Variants in GPC5 observed in about 807,000 individuals in gnomAD.
GPC5 encodes the protein glypican-5.
In GPC5, 47 loss-of-function variants were observed where a neutral mutation model predicts 53.9. That is an observed-to-expected ratio of 0.87 (90% CI 0.69 to 1.11). GPC5 has a LOEUF of 1.11. Ranked by LOEUF, GPC5 falls within the 50% of genes most tolerant of loss-of-function variation. The pLI is 0.00. For missense variants in GPC5, 748 were observed against 713.1 expected, an observed-to-expected ratio of 1.05 and a Z score of -0.56; for synonymous variants, 286 against 263.3, an observed-to-expected ratio of 1.09 and a Z score of -0.84.
intron 7 of GPC5, among the ~76,000 whole-genome samples, chr13:92,731,857 A>G (rs569898977): frequency 2.0e-4 from 30 of 151,536 alleles, no homozygotes; most frequent in Non-Finnish European, 3.5e-4. Flanking sequence ...AGTTGGAATC[A>G]TAGCATTCAT....
chr13:91,786,198 T>C (rs2037876091), intron 5 of GPC5, among the ~76,000 whole-genome samples: 1 of 152,078 alleles, frequency 6.6e-6, no homozygotes, highest in Admixed American at 6.6e-5. Context: ...GGTTTCACCA[T>C]GTTGGTCACG....
intron 5 of GPC5, among the ~76,000 whole-genome samples, chr13:91,782,937 T>A (rs1267134177): frequency 6.6e-6 from 1 of 152,062 alleles, no homozygotes; most frequent in Non-Finnish European, 1.5e-5. Context: ...GTTTTTCTCA[T>A]TAAGAAAAAT....
rs562558838 is a variant in GPC5, at chr13:92,546,222, A to T, written c.1562-320060A>T. ...ATTCAATTTGGAAAAGAGGAAGTCA[A>T]ATTGTCCGCATTTGCAGATGACATG... On this transcript the variant is annotated intron_variant, in intron 7 of 7. Transcript: ENST00000377067. 1.9e-4 allele frequency among the ~76,000 whole-genome samples: 29 copies of T among 152,306 alleles called. No individual in the cohort carries two copies. In the South Asian group the frequency reaches 5.4e-3, roughly 28 times the overall value.
chr13:91,663,729 G>A (rs1039981142), intron 2 of GPC5, among the ~76,000 whole-genome samples: 7 of 151,998 alleles, frequency 4.6e-5, no homozygotes, highest in Non-Finnish European at 1.0e-4. Flanking sequence ...CTCCTGAGTT[G>A]TTGGGATTAC....
chr13:92,667,821 T>G (rs182151225), intron 7 of GPC5, among the ~76,000 whole-genome samples: 4 of 152,324 alleles, frequency 2.6e-5, no homozygotes, highest in Admixed American at 2.0e-4. Flanking sequence ...CAATGACTAT[T>G]CAGCAACTTT....
intron 5 of GPC5, among the ~76,000 whole-genome samples, chr13:91,869,155 G>T (rs946317934): frequency 3.9e-5 from 6 of 152,042 alleles, no homozygotes; most frequent in Non-Finnish European, 7.4e-5. Flanking sequence ...TGCCCCCTGG[G>T]TTCAAGTGAT....
At chr13:92,725,895 T>C (rs1224753788) in intron 7 of GPC5, among the ~76,000 whole-genome samples, 5 of 151,688 alleles carry the variant, frequency 3.3e-5, no homozygotes, top group African/African-American at 1.2e-4. Flanking sequence ...AATACTGGTA[T>C]ATTAATGATG....
chr13:92,579,776 C>G (rs1489674128), intron 7 of GPC5, among the ~76,000 whole-genome samples: 1 of 152,096 alleles, frequency 6.6e-6, no homozygotes, highest in Non-Finnish European at 1.5e-5. Context: ...TTGAATTCTG[C>G]CTACATAGCA....
chr13:91,841,286 C>T (rs2038784981), intron 5 of GPC5, among the ~76,000 whole-genome samples: 1 of 150,510 alleles, frequency 6.6e-6, no homozygotes, highest in Admixed American at 6.7e-5. Context: ...TGAATCATGT[C>T]ATAAATTGAA....
rs187072050 is a variant in GPC5 at position 92,221,530 on chromosome 13, C to T, written c.1561+76541C>T. ...ATCCTATGTTTTCCCAACACCCTCT[C>T]CCACATGGGCCACTTCCTCTCCCTA... On this transcript the variant is annotated intron_variant, in intron 7 of 7. Transcript: ENST00000377067. 2.0e-5 allele frequency among the ~76,000 whole-genome samples: 3 copies of T among 152,242 alleles called. No homozygotes were observed. The East Asian group carries it at 5.8e-4, about 29-fold the overall frequency.
chr13:92,285,189 T>G (rs993950289), intron 7 of GPC5, among the ~76,000 whole-genome samples: 8 of 152,052 alleles, frequency 5.3e-5, no homozygotes, highest in Non-Finnish European at 1.2e-4. Context: ...ACAAGGGACG[T>G]GAAGGACCTA....
At chr13:91,749,232 A>G (rs2037117875) in intron 4 of GPC5, among the ~76,000 whole-genome samples, 1 of 152,092 alleles carries the variant, frequency 6.6e-6, no homozygotes, top group Non-Finnish European at 1.5e-5. Context: ...CTCTAAGTCC[A>G]TGAGTACCCA....
At chr13:91,676,445 A>C (rs1167908203) in intron 2 of GPC5, among the ~76,000 whole-genome samples, 4 of 152,146 alleles carry the variant, frequency 2.6e-5, no homozygotes, top group African/African-American at 9.7e-5. Flanking sequence ...TCATGGATAT[A>C]GGTGTACTCA....
At chr13:91,759,685 T>C (rs1275923019) in intron 5 of GPC5, among the ~76,000 whole-genome samples, 2 of 151,444 alleles carry the variant, frequency 1.3e-5, no homozygotes, top group Non-Finnish European at 2.9e-5. Flanking sequence ...TTCCATCCCC[T>C]TGATGTAAAT....
chr13:91,663,275 A>G (rs1041612599), intron 2 of GPC5, among the ~76,000 whole-genome samples: 2 of 152,140 alleles, frequency 1.3e-5, no homozygotes, highest in African/African-American at 2.4e-5. Flanking sequence ...TTCAGTTTTT[A>G]GTTACATATG....
intron 6 of GPC5, among the ~76,000 whole-genome samples, chr13:91,936,855 C>A (rs1289325406): frequency 6.6e-6 from 1 of 151,954 alleles, no homozygotes; most frequent in African/African-American, 2.4e-5. Context: ...AATTCCACTG[C>A]AGCTTTGACA....
chr13:92,299,926 A>G (rs1181900424), intron 7 of GPC5, among the ~76,000 whole-genome samples: 1 of 152,134 alleles, frequency 6.6e-6, no homozygotes, highest in East Asian at 1.9e-4. Flanking sequence ...GAGGCTTGTG[A>G]AAAAGGAGGT....
At chr13:92,187,487 A>G (rs1467961356) in intron 7 of GPC5, among the ~76,000 whole-genome samples, 1 of 152,174 alleles carries the variant, frequency 6.6e-6, no homozygotes, top group Non-Finnish European at 1.5e-5. Context: ...AATGCTTAAA[A>G]ATACCCTTTT....
intron 2 of GPC5, among the ~76,000 whole-genome samples, chr13:91,567,614 C>T (rs1189333389): frequency 1.3e-5 from 2 of 152,094 alleles, no homozygotes; most frequent in Non-Finnish European, 2.9e-5. Flanking sequence ...CAAACCCATT[C>T]TGATTGGTTA....
Sources: gnomAD v4.1 joint callset for allele counts (sites outside exome capture counted in the v4.1 genomes callset) on GRCh38, gnomAD v4.1.1 for gene constraint, MANE v1.5 for transcripts, NCBI Gene and HGNC (gene_info 2026-07-23, HGNC 2026-07-21) for gene names.